The following BCO2 variants were observed in gnomAD, a reference collection of about 807,000 sequenced individuals.
BCO2 encodes carotenoid-cleaving dioxygenase, mitochondrial.
BCO2 carries 56 observed loss-of-function variants against 65.8 expected under a neutral mutation model. That is an observed-to-expected ratio of 0.85 (90% CI 0.69 to 1.06). BCO2 has a LOEUF of 1.06. Ranked by LOEUF, BCO2 falls within the 50% of genes least tolerant of loss-of-function variation. BCO2 has a pLI of 0.00. For synonymous variants in BCO2, 233 were observed against 242.3 expected (o/e 0.96, Z 0.36); for missense variants, 675 against 698.5 (o/e 0.97, Z 0.38).
chr11:112,200,114 T>A (rs1592853201), intron 6 of BCO2, among the ~76,000 whole-genome samples: 1 of 152,206 alleles, frequency 6.6e-6, no homozygotes, highest in East Asian at 1.9e-4. Context: ...CCACAAATAG[T>A]AATCATACAT....
At chr11:112,189,011 C>A (rs1168196471) in intron 2 of BCO2, among the ~76,000 whole-genome samples, 1 of 151,900 alleles carries the variant, frequency 6.6e-6, no homozygotes, top group Non-Finnish European at 1.5e-5. Flanking sequence ...AGTAGACAAA[C>A]CATTAGTTAA....
intron 2 of BCO2, among the ~76,000 whole-genome samples, chr11:112,187,175 C>T (rs1238406405): frequency 6.6e-6 from 1 of 152,190 alleles, no homozygotes; most frequent in Non-Finnish European, 1.5e-5. Flanking sequence ...CCTTTCCTTC[C>T]TGTCCACTAC....
chr11:112,214,610 T>G (rs1168988802), intron 9 of BCO2, 152 bp from the exon 10 acceptor site: 1 of 615,846 alleles, frequency 1.6e-6, no homozygotes, highest in Non-Finnish European at 2.8e-6. Flanking sequence ...ACACATATGA[T>G]GGAAAGAGGA....
chr11:112,196,803 C>T (rs1867587421), intron 5 of BCO2, among the ~76,000 whole-genome samples: 2 of 149,266 alleles, frequency 1.3e-5, no homozygotes, highest in African/African-American at 4.8e-5. Flanking sequence ...ACCACCACCA[C>T]CTCCTCCTTT....
chr11:112,185,852 A>G (rs1407530934), intron 2 of BCO2, among the ~76,000 whole-genome samples: 5 of 152,350 alleles, frequency 3.3e-5, no homozygotes, highest in East Asian at 3.9e-4. Flanking sequence ...CGATTGTGCT[A>G]CCATCCATCC....
In BCO2 at chr11:112,181,213, G is replaced by A. The variant is rs576288620; in HGVS notation, c.293+1731G>A. ...TTTTTTTTTTTTGAGACGGAGTCTC[G>A]CTCTGTCGCCCAGGCTGGAGTGCAG... On this transcript the variant is annotated intron_variant, in intron 2 of 11. Coordinates refer to ENST00000357685, the MANE Select transcript of BCO2 (RefSeq NM_031938.7). 134 of 732,390 alleles carry A rather than the reference G, an allele frequency of 1.8e-4. 1 individual carries two copies. The highest frequency in any genetic ancestry group is 1.8e-3 in the South Asian group (121 of 66,786). 45.4% of individuals were successfully genotyped at this position (732,390 alleles called of 1,614,324 possible).
intron 2 of BCO2, chr11:112,181,127 A>G: frequency 7.0e-7 from 1 of 1,433,982 alleles, no homozygotes; most frequent in South Asian, 1.1e-5. Context: ...GCTGGCCCAC[A>G]TGTTTAAGGA....
rs779391162 is a variant in BCO2, at chr11:112,194,633, C to T, written c.634-20C>T. 4.1e-6 allele frequency: 6 copies of T among 1,464,548 alleles called. No individual in the cohort carries two copies. The highest frequency in any genetic ancestry group is 1.7e-4 in the Middle Eastern group (1 of 5,838). 90.7% of individuals were successfully genotyped at this position (1,464,548 alleles called of 1,614,324 possible). Reference sequence around the variant, plus strand: ...TAGAGATCTGCCCATTAAAAATCTCCAGTGGTCTCAAATTTGCAGGTAGAT... The same window carrying T: ...TAGAGATCTGCCCATTAAAAATCTCTAGTGGTCTCAAATTTGCAGGTAGAT... On this transcript the variant is annotated intron_variant, in intron 4 of 11. Coordinates refer to ENST00000357685, the MANE Select transcript of BCO2 (RefSeq NM_031938.7).
chr11:112,198,687 G>A (rs1867647015), intron 5 of BCO2, among the ~76,000 whole-genome samples: 2 of 152,110 alleles, frequency 1.3e-5, no homozygotes, highest in Admixed American at 6.5e-5. Flanking sequence ...ATGAATGATT[G>A]CATGAAAGAA....
At chr11:112,195,670 C>G (rs1867551348) in intron 5 of BCO2, among the ~76,000 whole-genome samples, 1 of 151,848 alleles carries the variant, frequency 6.6e-6, no homozygotes, top group South Asian at 2.1e-4. Flanking sequence ...TCTTGAACTC[C>G]TGACCTCAAG....
chr11:112,218,529 T>C lies in BCO2; in HGVS notation c.*655T>C, dbSNP rs752077354. ...TGTATGTCAAGTTGGTGGAGTCCCA[T>C]GGTGCTGAACACCAACTCACCCTAA... On this transcript the variant is annotated 3_prime_UTR_variant, in exon 12 of 12. Coordinates refer to ENST00000357685, the MANE Select transcript of BCO2 (RefSeq NM_031938.7). 7.2e-6 allele frequency: 2 copies of C among 276,080 alleles called. No homozygotes were observed. The highest frequency in any genetic ancestry group is 7.6e-6 in the Non-Finnish European group (1 of 130,722). 17.1% of individuals were successfully genotyped at this position (276,080 alleles called of 1,614,324 possible). A position where few individuals can be genotyped will look rare whatever the true frequency, so the allele number is the denominator to read the frequency against.
intron 5 of BCO2, 74 bp from the exon 6 acceptor site, chr11:112,199,625 T>C (rs1867674385): frequency 7.1e-7 from 1 of 1,408,078 alleles, no homozygotes; most frequent in South Asian, 1.3e-5. Context: ...TTTTGGCAAG[T>C]CCACAAGTGC....
intron 8 of BCO2, among the ~76,000 whole-genome samples, chr11:112,209,743 T>C (rs539609799): frequency 6.6e-6 from 1 of 152,308 alleles, no homozygotes; most frequent in Non-Finnish European, 1.5e-5. Context: ...CTTTAAAAAA[T>C]GTTCATAACA....
intron 2 of BCO2, among the ~76,000 whole-genome samples, chr11:112,187,959 C>A (rs191924375): frequency 1.3e-5 from 2 of 152,310 alleles, no homozygotes; most frequent in East Asian, 3.9e-4. Flanking sequence ...AGGGATGTAG[C>A]AAAGTGCTTA....
At chr11:112,182,468 T>C (rs1867078974) in intron 2 of BCO2, among the ~76,000 whole-genome samples, 1 of 152,196 alleles carries the variant, frequency 6.6e-6, no homozygotes, top group Non-Finnish European at 1.5e-5. Flanking sequence ...CCATCAATGA[T>C]AGACTGGACT....
intron 2 of BCO2, among the ~76,000 whole-genome samples, chr11:112,184,619 A>G (rs1867149622): frequency 6.6e-6 from 1 of 152,190 alleles, no homozygotes; most frequent in South Asian, 2.1e-4. Flanking sequence ...AAGTAAAAAT[A>G]AAGGCATTTG....
intron 1 of BCO2, among the ~76,000 whole-genome samples, chr11:112,177,365 A>T (rs570265511): frequency 5.1e-4 from 78 of 152,330 alleles, no homozygotes; most frequent in Non-Finnish European, 1.0e-3. Context: ...AATGGAGTCC[A>T]GGAAACTGCA....
At chr11:112,183,217 C>A (rs889663663) in intron 2 of BCO2, 32 of 792,644 alleles carry the variant, frequency 4.0e-5, no homozygotes, top group Non-Finnish European at 6.8e-5. Context: ...GGAGGAAGAT[C>A]TACAAGATGA....
At chr11:112,214,552 A>G (rs1490001366) in intron 9 of BCO2, among the ~76,000 whole-genome samples, 2 of 152,190 alleles carry the variant, frequency 1.3e-5, no homozygotes, top group African/African-American at 4.8e-5. Flanking sequence ...TCCACCTCCT[A>G]TGTCATTTGA....
Sources: gnomAD v4.1 joint callset for allele counts (sites outside exome capture counted in the v4.1 genomes callset) on GRCh38, gnomAD v4.1.1 for gene constraint, MANE v1.5 for transcripts, NCBI Gene and HGNC (gene_info 2026-07-23, HGNC 2026-07-21) for gene names.